Variants in PCM1 observed in about 807,000 individuals in gnomAD.
The protein encoded by PCM1 is pericentriolar material 1 protein.
Under a neutral mutation model 241.9 loss-of-function variants are expected in PCM1, and 157 were observed. The observed-to-expected ratio is 0.65, with a 90% CI of 0.57 to 0.74. PCM1 has a LOEUF of 0.74. Ranked by LOEUF, PCM1 falls within the 30% of genes least tolerant of loss-of-function variation. The probability of loss-of-function intolerance (pLI) is 0.00; values close to 1 mark genes in which losing one functional copy is unlikely to be tolerated. For synonymous variants in PCM1, 1,085 were observed against 784.9 expected, an observed-to-expected ratio of 1.38 and a Z score of -6.39; for missense variants, 3,478 against 2,360.1, an observed-to-expected ratio of 1.47 and a Z score of -9.81.
intron 6 of PCM1, among the ~76,000 whole-genome samples, chr8:17,943,180 A>ATTTTTTTTTT (rs5889755): frequency 7.6e-6 from 1 of 131,716 alleles, no homozygotes; most frequent in Non-Finnish European, 1.6e-5. Context: ...GGTTTGTTGT[A>ATTTTTTTTTT]TTTTTTTTTT....
chr8:17,968,856 T>A (rs1241011718), intron 21 of PCM1, among the ~76,000 whole-genome samples: 1 of 151,750 alleles, frequency 6.6e-6, no homozygotes, highest in African/African-American at 2.4e-5. Context: ...AGTTCTTGGG[T>A]GTCAATTAAT....
At chr8:17,943,541 T>A (rs2062849057) in intron 6 of PCM1, among the ~76,000 whole-genome samples, 2 of 152,178 alleles carry the variant, frequency 1.3e-5, no homozygotes, top group Non-Finnish European at 2.9e-5. Flanking sequence ...CTTAAGGCAT[T>A]ACATATAATT....
In PCM1 at chr8:18,029,605, T is replaced by A. The variant is rs2094413330; in HGVS notation, c.*1943T>A. 2 of 204,782 alleles carry A rather than the reference T, an allele frequency of 9.8e-6. No individual in the cohort carries two copies. Among genetic ancestry groups the A allele is most frequent in the Non-Finnish European group, 2.0e-5 (2 of 99,868 alleles). The allele number at this position is 204,782 out of a possible 1,614,324, so 12.7% of individuals were successfully genotyped here. On this transcript the variant is annotated 3_prime_UTR_variant, in exon 39 of 39. Transcript: ENST00000325083. ...CTTATTTGACTGGTGTTACAGCTGC[T>A]ATTAATCTAAGTCTATTGTTTTTCT...
At chr8:17,928,118 T>A (rs1429477302) in intron 2 of PCM1, among the ~76,000 whole-genome samples, 2 of 152,204 alleles carry the variant, frequency 1.3e-5, no homozygotes, top group Admixed American at 1.3e-4. Flanking sequence ...TTCTACCAAT[T>A]GTTTTCCTAC....
chr8:17,936,644 CTG>C (rs2060513251), intron 3 of PCM1, among the ~76,000 whole-genome samples: 1 of 152,182 alleles, frequency 6.6e-6, no homozygotes, highest in African/African-American at 2.4e-5. Context: ...GATTAGGAAA[CTG>C]AGACTATAGG....
intron 24 of PCM1, among the ~76,000 whole-genome samples, chr8:17,981,647 G>T (rs563119861): frequency 6.6e-6 from 1 of 152,076 alleles, no homozygotes; most frequent in South Asian, 2.1e-4. Flanking sequence ...AATGATAACA[G>T]CAGCTATCTT....
At chr8:18,003,104 C>T (rs375414767) in intron 29 of PCM1, among the ~76,000 whole-genome samples, 24 of 152,314 alleles carry the variant, frequency 1.6e-4, no homozygotes, top group East Asian at 1.4e-3. Flanking sequence ...AGTGCTTGCA[C>T]GCCACCTTTA....
At chr8:18,021,206 C>G (rs555245786) in intron 36 of PCM1, among the ~76,000 whole-genome samples, 1 of 152,158 alleles carries the variant, frequency 6.6e-6, no homozygotes, top group Admixed American at 6.5e-5. Context: ...CCAGCTGGTC[C>G]TTCCTGAGTC....
rs2064202447 is a variant in PCM1 at position 17,947,304 on chromosome 8, C to G, written c.902C>G (p.Ala301Gly). The part of the protein sequence containing the change: ...EQLRALQGRQ[A>G]ALLALQHKAE... ...CTAAGAGCTCTACAGGGACGGCAGG[C>G]TGCACTTCTAGCTCTGCAACATAAA... Residue 301 changes from alanine to glycine, a missense_variant, in exon 7 of 39, where the codon GCT (alanine) becomes GGT (glycine). Physicochemically the swap from Ala to Gly is moderately conservative, Grantham distance 60. Coordinates refer to ENST00000325083, the MANE Select transcript of PCM1 (RefSeq NM_006197.4). 22 of 1,612,514 alleles carry G rather than the reference C, an allele frequency of 1.4e-5. No individual in the cohort carries two copies. Among genetic ancestry groups the G allele is most frequent in the Non-Finnish European group, 1.9e-5 (22 of 1,178,940 alleles).
At chr8:17,930,693 A>G (rs1339052200) in intron 2 of PCM1, among the ~76,000 whole-genome samples, 2 of 151,830 alleles carry the variant, frequency 1.3e-5, no homozygotes, top group Non-Finnish European at 2.9e-5. Context: ...CCTGGCTAAC[A>G]TGGTGAAACC....
chr8:17,948,430 G>A (rs931616112), intron 7 of PCM1, among the ~76,000 whole-genome samples: 1 of 149,368 alleles, frequency 6.7e-6, no homozygotes, highest in African/African-American at 2.5e-5. Context: ...TCAGCCTCCT[G>A]AGTAGCTGGG....
chr8:17,938,333 C>A (rs146330230), intron 4 of PCM1, among the ~76,000 whole-genome samples: 8 of 152,152 alleles, frequency 5.3e-5, no homozygotes, highest in African/African-American at 1.9e-4. Flanking sequence ...ATAAGGTGCA[C>A]ATGAAACATA....
chr8:18,014,321 A>T (rs552051428), intron 35 of PCM1, among the ~76,000 whole-genome samples: 2 of 138,080 alleles, frequency 1.4e-5, no homozygotes, highest in Non-Finnish European at 3.3e-5. Context: ...TAAAAAAAAA[A>T]TCTATTTGTA....
At chr8:17,935,187 G>A (rs1428289647) in intron 2 of PCM1, among the ~76,000 whole-genome samples, 2 of 152,180 alleles carry the variant, frequency 1.3e-5, no homozygotes, top group Admixed American at 1.3e-4. Context: ...TGTGTTTTCA[G>A]GGTATCATCT....
chr8:18,027,800 C>T lies in PCM1; in HGVS notation c.*138C>T. ...TTTTTGATAGGTGTGGTCATTTCTC[C>T]CCATGGTAGTTTAAAACATCAGAAA... is the stretch of plus-strand genomic sequence containing the variant. On this transcript the variant is annotated 3_prime_UTR_variant, in exon 39 of 39. Transcript: ENST00000325083. 2.0e-6 allele frequency: 1 copy of T among 491,014 alleles called. No homozygotes were observed. Among genetic ancestry groups the T allele is most frequent in the Non-Finnish European group, 3.6e-6 (1 of 281,242 alleles). The allele number at this position is 491,014 out of a possible 1,614,324, so 30.4% of individuals were successfully genotyped here. A position where few individuals can be genotyped will look rare whatever the true frequency, so the allele number is the denominator to read the frequency against.
intron 29 of PCM1, among the ~76,000 whole-genome samples, chr8:18,001,070 G>C (rs758489528): frequency 6.6e-6 from 1 of 152,206 alleles, no homozygotes; most frequent in Non-Finnish European, 1.5e-5. Flanking sequence ...TTTGATTTGA[G>C]AATAGAAAGG....
At chr8:17,929,921 A>G (rs985574514) in intron 2 of PCM1, among the ~76,000 whole-genome samples, 2 of 152,208 alleles carry the variant, frequency 1.3e-5, no homozygotes, top group African/African-American at 4.8e-5. Context: ...GTCGCTCAAA[A>G]TAACGTACTT....
At chr8:17,942,242 G>T (rs1021774400) in intron 6 of PCM1, among the ~76,000 whole-genome samples, 1 of 152,122 alleles carries the variant, frequency 6.6e-6, no homozygotes, top group Admixed American at 6.6e-5. Flanking sequence ...TGAGGTGGGC[G>T]GATCACCTGA....
chr8:17,966,303 A>G (rs2074865977), intron 19 of PCM1, 25 bp from the exon 20 acceptor site: 5 of 1,612,114 alleles, frequency 3.1e-6, no homozygotes, highest in Non-Finnish European at 4.2e-6. Flanking sequence ...ATCAGTAACT[A>G]TTAACAAACA....
Sources: gnomAD v4.1 joint callset for allele counts (sites outside exome capture counted in the v4.1 genomes callset) on GRCh38, gnomAD v4.1.1 for gene constraint, MANE v1.5 for transcripts, NCBI Gene and HGNC (gene_info 2026-07-23, HGNC 2026-07-21) for gene names.